GRK5: variants seen among roughly 807,000 people sequenced by gnomAD.
The protein encoded by GRK5 is G protein-coupled receptor kinase 5, also known as g protein-coupled receptor kinase GRK5.
A neutral mutation model predicts 78.4 loss-of-function variants in GRK5; 40 were observed. That is an observed-to-expected ratio of 0.51 (90% CI 0.40 to 0.66). The LOEUF (loss-of-function observed/expected upper bound fraction) is 0.66. GRK5 is among the 30% of genes least tolerant of loss of function. GRK5 has a pLI of 0.00. For missense variants in GRK5, 598 were observed against 759.9 expected, an observed-to-expected ratio of 0.79 and a Z score of 2.50; for synonymous variants, 289 against 296.8, an observed-to-expected ratio of 0.97 and a Z score of 0.27.
chr10:119,397,965 A>G (rs1382528830), intron 4 of GRK5, among the ~76,000 whole-genome samples: 2 of 151,986 alleles, frequency 1.3e-5, no homozygotes, highest in African/African-American at 4.8e-5. Context: ...AACTGCAAAC[A>G]CCCCCAGCCC....
intron 1 of GRK5, among the ~76,000 whole-genome samples, chr10:119,254,925 G>A (rs1330837329): frequency 6.6e-6 from 1 of 151,758 alleles, no homozygotes; most frequent in African/African-American, 2.4e-5. Context: ...CATGTTGGCA[G>A]GTGCCTGTAA....
In GRK5 at chr10:119,453,190, A is replaced by G; in HGVS notation, c.1588A>G (p.Asn530Asp). The change falls in exon 15 of 16, where the codon AAT becomes GAT. Residue 530 changes from asparagine (N) to aspartate (D), a missense_variant. By Grantham distance (23) the Asn-to-Asp change is conservative (BLOSUM62 1). Transcript: ENST00000392870. ...CFKELNVFGP[N>D]GTLPPDLNRN... Reference sequence around the variant, plus strand: ...TAAGGAGCTGAACGTGTTTGGACCTAATGGTACCCTCCCGCCAGATCTGAA... The same window carrying G: ...TAAGGAGCTGAACGTGTTTGGACCTGATGGTACCCTCCCGCCAGATCTGAA... 2 of 1,589,698 alleles carry G rather than the reference A, an allele frequency of 1.3e-6. No homozygotes were observed. Among genetic ancestry groups the G allele is most frequent in the Non-Finnish European group, 1.7e-6 (2 of 1,157,882 alleles).
At chr10:119,244,196 C>T (rs1225097871) in intron 1 of GRK5, among the ~76,000 whole-genome samples, 2 of 152,250 alleles carry the variant, frequency 1.3e-5, no homozygotes, top group African/African-American at 2.4e-5. Flanking sequence ...TTTACAAGAA[C>T]AGGTGTTGGG....
chr10:119,432,381 G>T (rs990958719), intron 8 of GRK5, among the ~76,000 whole-genome samples: 2 of 152,218 alleles, frequency 1.3e-5, no homozygotes, highest in Non-Finnish European at 2.9e-5. Flanking sequence ...CCAGGATTTC[G>T]AGGCTGCAGT....
chr10:119,316,501 G>A (rs1850489132), intron 1 of GRK5, among the ~76,000 whole-genome samples: 1 of 152,176 alleles, frequency 6.6e-6, no homozygotes, highest in South Asian at 2.1e-4. Context: ...CAAGGGTGGG[G>A]GTCCCCAGGC....
At chr10:119,382,274 TTG>T (rs1851724520) in intron 3 of GRK5, among the ~76,000 whole-genome samples, 1 of 152,202 alleles carries the variant, frequency 6.6e-6, no homozygotes, top group Admixed American at 6.5e-5. Context: ...TTGGCGCCTC[TTG>T]TGTGAGTGAT....
Position 119,264,806 on chromosome 10 carries a change from C to G in GRK5, c.52+56837C>G, listed in dbSNP as rs76284392. Among the ~76,000 whole-genome samples, 3,045 of 152,338 alleles carry G rather than the reference C, an allele frequency of 0.02. 58 individuals carry two copies. The highest frequency in any genetic ancestry group is 0.053 in the Admixed American group (813 of 15,296). On this transcript the variant is annotated intron_variant, in intron 1 of 15. Coordinates refer to ENST00000392870, the MANE Select transcript of GRK5 (RefSeq NM_005308.3). This position sits in a 1 kb window ranked among gnomAD's most constrained non-coding sequence, Gnocchi z 4.1. ...ACTTACCCACTACATGCCCTGCCCA[C>G]TCCCTTTTCCTCCTGGCCAGGGTGC...
chr10:119,432,848 A>G (rs1408007860), intron 8 of GRK5, among the ~76,000 whole-genome samples: 1 of 152,220 alleles, frequency 6.6e-6, no homozygotes, highest in Non-Finnish European at 1.5e-5. Flanking sequence ...AGGCAGACAG[A>G]TCACTTGAGA....
At chr10:119,369,373 TC>T (rs1851507871) in intron 2 of GRK5, among the ~76,000 whole-genome samples, 1 of 152,118 alleles carries the variant, frequency 6.6e-6, no homozygotes, top group African/African-American at 2.4e-5. Context: ...ACCAAGGCTG[TC>T]CCAGGTGCCC....
rs1852981110 is a variant in GRK5, at chr10:119,439,074, C to T, written c.930-657C>T. On this transcript the variant is annotated intron_variant, in intron 9 of 15. Coordinates refer to ENST00000392870, the MANE Select transcript of GRK5 (RefSeq NM_005308.3). ...CTGTTCTTTTACCCATAGAGAAGAC[C>T]TTTTCCTATAAAAGCAGCTCCTCTG... Among the ~76,000 whole-genome samples the T allele has an allele frequency of 2.6e-5, 4 of 152,224 alleles. No individual in the cohort carries two copies. The South Asian group carries it at 8.3e-4, about 32-fold the overall frequency.
At chr10:119,441,907 G>T in intron 10 of GRK5, 92 bp from the exon 11 acceptor site, 1 of 955,736 alleles carries the variant, frequency 1.0e-6, no homozygotes, top group East Asian at 2.4e-5. Context: ...TGAGAATGCC[G>T]AGAGCTCGTA....
At chr10:119,332,277 T>C (rs2133771483) in intron 2 of GRK5, among the ~76,000 whole-genome samples, 1 of 152,238 alleles carries the variant, frequency 6.6e-6, no homozygotes, top group Admixed American at 6.5e-5. Flanking sequence ...CAGCTAATTT[T>C]TGTATTTTTT....
At chr10:119,215,170 CTTAAA>C (rs1564851075) in intron 1 of GRK5, among the ~76,000 whole-genome samples, 1 of 152,190 alleles carries the variant, frequency 6.6e-6, no homozygotes, top group Non-Finnish European at 1.5e-5. Flanking sequence ...GTTATTTATA[CTTAAA>C]TTAATTAAAG....
chr10:119,298,830 A>G (rs760346501), intron 1 of GRK5, among the ~76,000 whole-genome samples: 2 of 151,970 alleles, frequency 1.3e-5, no homozygotes, highest in South Asian at 2.1e-4. Flanking sequence ...TCTGCCAGGA[A>G]TTCCATTTAC....
intron 4 of GRK5, among the ~76,000 whole-genome samples, chr10:119,404,864 T>G (rs1852207237): frequency 6.6e-6 from 1 of 152,126 alleles, no homozygotes; most frequent in Admixed American, 6.5e-5. Context: ...TCCTGGCAGC[T>G]CCCCAAGATG....
chr10:119,332,131 G>A (rs1476848593), intron 2 of GRK5, among the ~76,000 whole-genome samples: 1 of 143,146 alleles, frequency 7.0e-6, no homozygotes, highest in Non-Finnish European at 1.5e-5. Flanking sequence ...TTTTGCCTCA[G>A]AGTTTGACTC....
At chr10:119,327,119 G>A (rs1027376578) in intron 2 of GRK5, among the ~76,000 whole-genome samples, 1 of 152,044 alleles carries the variant, frequency 6.6e-6, no homozygotes, top group Non-Finnish European at 1.5e-5. Flanking sequence ...TGAGGTGGGG[G>A]AGGTAGGGCT....
chr10:119,230,170 A>G (rs1364806751), intron 1 of GRK5, among the ~76,000 whole-genome samples: 1 of 152,100 alleles, frequency 6.6e-6, no homozygotes, highest in African/African-American at 2.4e-5. Flanking sequence ...TCAGGCTAGA[A>G]TTTGGGAGTT....
chr10:119,288,454 C>T (rs1313374951), intron 1 of GRK5, among the ~76,000 whole-genome samples: 1 of 152,168 alleles, frequency 6.6e-6, no homozygotes, highest in Non-Finnish European at 1.5e-5. Flanking sequence ...GGGTGGCCTC[C>T]GAGCCCTGCT....
Sources: allele counts gnomAD v4.1 joint callset (sites outside exome capture counted in the v4.1 genomes callset), GRCh38; gene constraint gnomAD v4.1.1; non-coding constraint Gnocchi (gnomAD v3.1); transcripts MANE v1.5; gene names NCBI Gene and HGNC (gene_info 2026-07-23, HGNC 2026-07-21).